KMO: variants seen among roughly 807,000 people sequenced by gnomAD.
KMO encodes the protein kynurenine 3-monooxygenase, also known as kynurenine 3-hydroxylase.
Under a neutral mutation model 57.8 loss-of-function variants are expected in KMO, and 24 were observed. That is an observed-to-expected ratio of 0.42 (90% CI 0.30 to 0.58). The LOEUF (loss-of-function observed/expected upper bound fraction) is 0.58, where lower values mean the gene tolerates loss of function less well. Among genes scored for constraint, KMO ranks in the 20% least tolerant of loss-of-function variants. KMO has a pLI of 0.22. For synonymous variants in KMO, 210 were observed against 193.6 expected, an observed-to-expected ratio of 1.08 and a Z score of -0.70; for missense variants, 483 against 588.2, an observed-to-expected ratio of 0.82 and a Z score of 1.85.
chr1:241,546,130 G>T (rs1661138844), intron 1 of KMO, among the ~76,000 whole-genome samples: 1 of 152,096 alleles, frequency 6.6e-6, no homozygotes, highest in African/African-American at 2.4e-5. Flanking sequence ...ACAGGCCCTT[G>T]GATCATTGGT....
At chr1:241,588,680 T>A (rs899870945) in intron 11 of KMO, 68 bp from the exon 12 acceptor site, 2 of 1,119,502 alleles carry the variant, frequency 1.8e-6, no homozygotes, top group Non-Finnish European at 2.7e-6. Flanking sequence ...TACCATTTAA[T>A]TTGACCTGTG....
chr1:241,555,030 C>T (rs760408585), intron 4 of KMO, among the ~76,000 whole-genome samples: 5 of 151,968 alleles, frequency 3.3e-5, no homozygotes, highest in Non-Finnish European at 7.4e-5. Context: ...GTCTACCTTG[C>T]CTCAAGGGAG....
intron 5 of KMO, among the ~76,000 whole-genome samples, chr1:241,559,776 C>A (rs1253621642): frequency 6.6e-6 from 1 of 152,140 alleles, no homozygotes; most frequent in Non-Finnish European, 1.5e-5. Context: ...AAAAACTGTA[C>A]ATAATTAATG....
intron 10 of KMO, among the ~76,000 whole-genome samples, chr1:241,570,062 A>G (rs962912829): frequency 1.3e-5 from 2 of 151,970 alleles, no homozygotes; most frequent in Non-Finnish European, 2.9e-5. Flanking sequence ...TAAAACATCC[A>G]TTTTTAAATT....
Position 241,588,751 on chromosome 1 carries a change from T to G in KMO, c.1019T>G (p.Leu340Trp). The G allele has an allele frequency of 1.2e-6, 2 of 1,610,192 alleles. No homozygotes were observed. The highest frequency in any genetic ancestry group is 1.7e-6 in the Non-Finnish European group (2 of 1,176,652). Residue 340 changes from leucine (L) to tryptophan (W), a missense_variant, in exon 12 of 15, where the codon TTG becomes TGG. Physicochemically the swap from Leu to Trp is moderately conservative, Grantham distance 61. Transcript: ENST00000366559. Reference protein sequence around the residue: ...LMDKFSNDLSLCLPVFSRLRI... With the variant: ...LMDKFSNDLSWCLPVFSRLRI... ...AGATGTATTATTTAACTTACAGGTT[T>G]GTGTCTTCCTGTGTTCTCAAGATTG...
intron 1 of KMO, among the ~76,000 whole-genome samples, chr1:241,540,083 A>G (rs1425570839): frequency 6.6e-6 from 1 of 152,194 alleles, no homozygotes; most frequent in Non-Finnish European, 1.5e-5. Flanking sequence ...AAGAAAATAT[A>G]CAACCTGTTA....
chr1:241,572,993 T>C (rs544355738), intron 10 of KMO, among the ~76,000 whole-genome samples: 1 of 152,312 alleles, frequency 6.6e-6, no homozygotes, highest in Non-Finnish European at 1.5e-5. Context: ...TTGAGTAGTA[T>C]TCCATGGTGT....
chr1:241,538,288 T>A (rs1363818327), intron 1 of KMO, among the ~76,000 whole-genome samples: 2 of 152,180 alleles, frequency 1.3e-5, no homozygotes, highest in Non-Finnish European at 2.9e-5. Flanking sequence ...CCTTCTTCTA[T>A]CTGCTTTCTC....
intron 10 of KMO, among the ~76,000 whole-genome samples, chr1:241,581,525 C>T (rs1662749602): frequency 6.6e-6 from 1 of 151,616 alleles, no homozygotes; most frequent in Non-Finnish European, 1.5e-5. Flanking sequence ...TACCATGAGG[C>T]TTGCAAATAA....
At position 241,568,578 on chromosome 1, in the gene KMO, A is replaced by C. The variant is rs1662163914; in HGVS notation, c.888A>C (p.Lys296Asn). The change falls in exon 10 of 15, where the codon AAA becomes AAC. Residue 296 changes from lysine (K) to asparagine (N), a missense_variant. Physicochemically the swap from Lys to Asn is moderately conservative, Grantham distance 94. Transcript: ENST00000366559. ...TAAAGTGCTCTTCATTTCACTTTAA[A>C]TCTCACTGTGTACTGCTGGGAGATG... is the stretch of plus-strand genomic sequence containing the variant. ...ISVKCSSFHF[K>N]SHCVLLGDAA... 1 of 1,613,872 alleles carries C rather than the reference A, an allele frequency of 6.2e-7. No homozygotes were observed. Among genetic ancestry groups the C allele is most frequent in the Non-Finnish European group, 8.5e-7 (1 of 1,179,908 alleles).
intron 10 of KMO, among the ~76,000 whole-genome samples, chr1:241,579,265 T>G (rs1488257974): frequency 6.6e-6 from 1 of 152,114 alleles, no homozygotes; most frequent in East Asian, 1.9e-4. Flanking sequence ...GGATTTCTGC[T>G]TGCCTTATGT....
chr1:241,560,355 T>C (rs546438331), intron 5 of KMO, among the ~76,000 whole-genome samples: 1 of 152,322 alleles, frequency 6.6e-6, no homozygotes, highest in African/African-American at 2.4e-5. Context: ...TTCTGAAATA[T>C]GTGATGCTTG....
At chr1:241,589,423 TA>T (rs748210014) in intron 12 of KMO, among the ~76,000 whole-genome samples, 8 of 152,226 alleles carry the variant, frequency 5.3e-5, no homozygotes, top group Non-Finnish European at 8.8e-5. Flanking sequence ...AAGATAAATT[TA>T]AAGCAGAGTG....
chr1:241,590,124 G>C lies in KMO; in HGVS notation c.1200+11G>C. ...CCTCTCTATACAATGGTAAGGTCTG[G>C]ACTGAAGACTTTTCCTCATTTTGAT... On this transcript the variant is annotated intron_variant, in intron 13 of 14. Coordinates refer to ENST00000366559, the MANE Select transcript of KMO (RefSeq NM_003679.5). The C allele has an allele frequency of 6.2e-7, 1 of 1,608,016 alleles. No individual in the cohort carries two copies. The highest frequency in any genetic ancestry group is 8.5e-7 in the Non-Finnish European group (1 of 1,174,660).
chr1:241,591,994 C>A lies in KMO; in HGVS notation c.1302C>A (p.Ala434=). 6.2e-7 allele frequency: 1 copy of A among 1,613,944 alleles called. No individual in the cohort carries two copies. Among genetic ancestry groups the A allele is most frequent in the Non-Finnish European group, 8.5e-7 (1 of 1,179,860 alleles). ...TCTTTTTCTTGGGATCACTGATAGC[C>A]ATCAGCAGTACCTACCTACTTATAC... ...KGLFFLGSLI[A]ISSTYLLIHY... The change falls in exon 15 of 15, where the codon GCC becomes GCA. Residue 434 remains alanine (A), a synonymous_variant. Coordinates refer to ENST00000366559, the MANE Select transcript of KMO (RefSeq NM_003679.5).
At chr1:241,540,705 C>T (rs1451958146) in intron 1 of KMO, among the ~76,000 whole-genome samples, 1 of 151,926 alleles carries the variant, frequency 6.6e-6, no homozygotes, top group Non-Finnish European at 1.5e-5. Flanking sequence ...GGAATTTTTT[C>T]CTGAAAAGAT....
intron 1 of KMO, among the ~76,000 whole-genome samples, chr1:241,541,233 GA>G (rs1444291277): frequency 6.6e-6 from 1 of 152,194 alleles, no homozygotes; most frequent in African/African-American, 2.4e-5. Flanking sequence ...GAGAGAGACT[GA>G]AGAGGAACAA....
chr1:241,549,467 C>T (rs9428882), intron 2 of KMO, among the ~76,000 whole-genome samples: 149,839 of 152,246 alleles, frequency 0.98, 73,773 homozygotes, highest in Middle Eastern at 1. Flanking sequence ...AAACGCTTTT[C>T]TTAAAAAAAC....
chr1:241,563,035 G>T (rs1661936300), intron 7 of KMO, among the ~76,000 whole-genome samples: 2 of 151,996 alleles, frequency 1.3e-5, no homozygotes, highest in Non-Finnish European at 2.9e-5. Context: ...ATGTTCTCTT[G>T]GGAGAAAAAA....
Sources: gnomAD v4.1 joint callset for allele counts (sites outside exome capture counted in the v4.1 genomes callset) on GRCh38, gnomAD v4.1.1 for gene constraint, MANE v1.5 for transcripts, NCBI Gene and HGNC (gene_info 2026-07-23, HGNC 2026-07-21) for gene names.